AFDN: variants seen among roughly 807,000 people sequenced by gnomAD.
AFDN encodes afadin, adherens junction formation factor.
In AFDN, 68 loss-of-function variants were observed where a neutral mutation model predicts 216.6. The observed-to-expected ratio is 0.31, with a 90% CI of 0.26 to 0.38. AFDN has a LOEUF of 0.38. Among genes scored for constraint, AFDN ranks in the 10% least tolerant of loss-of-function variants. The pLI is 1.00. For missense variants in AFDN, 2,136 were observed against 2,342.0 expected, an observed-to-expected ratio of 0.91 and a Z score of 1.82; for synonymous variants, 868 against 853.7, an observed-to-expected ratio of 1.02 and a Z score of -0.29.
At chr6:167,966,150 G>A (rs914462524) in intron 32 of AFDN, 105 bp downstream of exon 32, 9 of 1,534,764 alleles carry the variant, frequency 5.9e-6, no homozygotes, top group East Asian at 4.9e-5. Flanking sequence ...CTCCGATGGC[G>A]TCTTTCTCTC....
intron 12 of AFDN, among the ~76,000 whole-genome samples, chr6:167,904,900 G>C (rs1356860095): frequency 6.6e-6 from 1 of 152,138 alleles, no homozygotes; most frequent in Non-Finnish European, 1.5e-5. Flanking sequence ...GCCCCTGGTG[G>C]CTTCCCAACC....
intron 30 of AFDN, among the ~76,000 whole-genome samples, chr6:167,960,874 G>A (rs1450189573): frequency 6.6e-6 from 1 of 152,162 alleles, no homozygotes; most frequent in Non-Finnish European, 1.5e-5. Context: ...CCCTCTTGGG[G>A]TATGGATAGG....
chr6:167,865,887 GACTA>G (rs1784121573), intron 2 of AFDN, among the ~76,000 whole-genome samples: 1 of 151,560 alleles, frequency 6.6e-6, no homozygotes, highest in Non-Finnish European at 1.5e-5. Flanking sequence ...TTTCAGGTGT[GACTA>G]AATCCTTTTT....
chr6:167,898,561 A>G, intron 11 of AFDN, 94 bp downstream of exon 11: 12 of 1,318,840 alleles, frequency 9.1e-6, no homozygotes. Context: ...TTTTTGTTTC[A>G]ATTTTTAAAA....
intron 1 of AFDN, among the ~76,000 whole-genome samples, chr6:167,828,681 A>G (rs1231100202): frequency 6.6e-6 from 1 of 152,124 alleles, no homozygotes; most frequent in African/African-American, 2.4e-5. Flanking sequence ...TTCTTTTAGA[A>G]TAATGAATTC....
intron 16 of AFDN, 37 bp downstream of exon 16, chr6:167,913,460 G>C (rs1790664416): frequency 6.5e-7 from 1 of 1,532,564 alleles, no homozygotes; most frequent in African/African-American, 1.4e-5. Flanking sequence ...TAGCTGTGTT[G>C]CTTAGCCAAG....
intron 32 of AFDN, among the ~76,000 whole-genome samples, chr6:167,966,860 G>A (rs528335303): frequency 5.3e-5 from 8 of 152,272 alleles, no homozygotes; most frequent in East Asian, 3.9e-4. Context: ...AGAGACCCCC[G>A]TTACAGGGAA....
chr6:167,895,858 G>A (rs1309554749), intron 9 of AFDN, among the ~76,000 whole-genome samples: 13 of 152,176 alleles, frequency 8.5e-5, no homozygotes, highest in Admixed American at 5.9e-4. Context: ...AGATCTTGGC[G>A]ACTCTTACTG....
chr6:167,864,553 T>A lies in AFDN; in HGVS notation c.108T>A (p.Asp36Glu), dbSNP rs748544317. ...DLFEISQPTE[D>E]LEFHGVMRFY... ...TGTACCATTTTGTTTTCTTTTAGGA[T>A]TTGGAGTTCCATGGAGTGATGAGAT... The change falls in exon 2 of 34, where the codon GAT (aspartate) becomes GAA (glutamate). Residue 36 changes from aspartate to glutamate, a missense_variant and splice_region_variant. Asp to Glu is a conservative substitution (Grantham distance 45). This residue lies in a region of AFDN where 81 missense variants were observed against 51.2 expected (regional missense o/e 1.58). Coordinates refer to ENST00000683244, the MANE Select transcript of AFDN (RefSeq NM_001386888.1). 1 of 1,608,750 alleles carries A rather than the reference T, an allele frequency of 6.2e-7. No homozygotes were observed. Among genetic ancestry groups the A allele is most frequent in the South Asian group, 1.1e-5 (1 of 89,988 alleles).
intron 21 of AFDN, among the ~76,000 whole-genome samples, chr6:167,920,972 C>G (rs977937615): frequency 2.6e-5 from 4 of 152,166 alleles, no homozygotes; most frequent in African/African-American, 9.7e-5. Flanking sequence ...GTGTTTCAAA[C>G]GCGTGCCGCT....
chr6:167,867,833 A>G (rs1784358975), intron 2 of AFDN, among the ~76,000 whole-genome samples: 1 of 152,178 alleles, frequency 6.6e-6, no homozygotes, highest in African/African-American at 2.4e-5. Flanking sequence ...CAACACTATT[A>G]GTAGTACTGT....
chr6:167,967,936 G>A lies in AFDN; in HGVS notation c.5258-1178G>A, dbSNP rs145697793. Among the ~76,000 whole-genome samples the A allele has an allele frequency of 5.5e-3, 830 of 152,276 alleles. 13 individuals are homozygous for A. The highest frequency in any genetic ancestry group is 0.019 in the African/African-American group (799 of 41,556). On this transcript the variant is annotated intron_variant, in intron 32 of 33. Coordinates refer to ENST00000683244, the MANE Select transcript of AFDN (RefSeq NM_001386888.1). Reference sequence around the variant, plus strand: ...ACAGTGAGAGGAGCAGCATTAGGATGTGAATGAGTAATGCCAGATTTGAAC... The same window carrying A: ...ACAGTGAGAGGAGCAGCATTAGGATATGAATGAGTAATGCCAGATTTGAAC...
intron 23 of AFDN, 43 bp downstream of exon 23, chr6:167,925,134 C>A (rs752437152): frequency 2.2e-6 from 3 of 1,389,920 alleles, no homozygotes; most frequent in Non-Finnish European, 3.1e-6. Context: ...TCCAGTCTTT[C>A]GGCATTGAAT....
intron 23 of AFDN, among the ~76,000 whole-genome samples, chr6:167,937,468 G>A (rs1290723055): frequency 6.6e-6 from 1 of 152,026 alleles, no homozygotes; most frequent in African/African-American, 2.4e-5. Context: ...GGCTGGTTGT[G>A]AACTCTTGGC....
intron 1 of AFDN, among the ~76,000 whole-genome samples, chr6:167,833,257 C>G (rs761775308): frequency 3.9e-5 from 6 of 152,208 alleles, no homozygotes; most frequent in Admixed American, 1.3e-4. Flanking sequence ...ATAGTAACAA[C>G]AGCAGGATAG....
At chr6:167,947,570 A>C (rs1468891195) in intron 27 of AFDN, among the ~76,000 whole-genome samples, 2 of 152,244 alleles carry the variant, frequency 1.3e-5, no homozygotes, top group Admixed American at 6.5e-5. Context: ...ACAAAGCCTA[A>C]AGTATTTACT....
chr6:167,904,927 C>A (rs2128421572), intron 12 of AFDN, among the ~76,000 whole-genome samples: 1 of 152,336 alleles, frequency 6.6e-6, no homozygotes, highest in African/African-American at 2.4e-5. Context: ...TCAGTCTTCA[C>A]CCTGACTTGC....
In AFDN at chr6:167,870,510, C is replaced by T; in HGVS notation, c.414+12C>T. 1 of 1,549,792 alleles carries T rather than the reference C, an allele frequency of 6.5e-7. No individual in the cohort carries two copies. Among genetic ancestry groups the T allele is most frequent in the Non-Finnish European group, 8.9e-7 (1 of 1,128,582 alleles). On this transcript the variant is annotated intron_variant, in intron 3 of 33. Coordinates refer to ENST00000683244, the MANE Select transcript of AFDN (RefSeq NM_001386888.1). The stretch of plus-strand genomic sequence containing the variant: ...CCATTCCTCCTAAGGTAGGAACCCT[C>T]AGTATTTTATGACGGTCTTGGTCCA...
intron 6 of AFDN, among the ~76,000 whole-genome samples, chr6:167,887,035 AATGCCTGGTGTTGCATCTG>A (rs1786927010): frequency 6.8e-6 from 1 of 147,770 alleles, no homozygotes; most frequent in East Asian, 2.0e-4. Flanking sequence ...AAAAAAAAAG[AATGCCTGGTGTTGCATCTG>A]ATACCTGGTG....
Sources: allele counts gnomAD v4.1 joint callset (sites outside exome capture counted in the v4.1 genomes callset), GRCh38; gene constraint gnomAD v4.1.1; regional missense constraint gnomAD v4.1.1; transcripts MANE v1.5; gene names NCBI Gene and HGNC (gene_info 2026-07-23, HGNC 2026-07-21).